CRACD: variants seen among roughly 807,000 people sequenced by gnomAD.
CRACD encodes capping protein inhibiting regulator of actin dynamics, also known as capping protein-inhibiting regulator of actin dynamics.
A neutral mutation model predicts 106.8 loss-of-function variants in CRACD; 56 were observed. The ratio of observed to expected loss-of-function variants is 0.52; its 90% CI spans 0.42 to 0.66. The LOEUF (loss-of-function observed/expected upper bound fraction) is 0.66. CRACD is among the 30% of genes least tolerant of loss of function. The pLI is 0.00. For missense variants in CRACD, 1,730 were observed against 1,623.2 expected (o/e 1.07, Z -1.13); for synonymous variants, 754 against 670.8 (o/e 1.12, Z -1.92).
At chr4:56,291,986 A>G (rs975311497) in intron 3 of CRACD, among the ~76,000 whole-genome samples, 10 of 152,204 alleles carry the variant, frequency 6.6e-5, no homozygotes, top group Non-Finnish European at 1.5e-4. Flanking sequence ...AGAAGAAAAG[A>G]TGAGGGAAAG....
intron 1 of CRACD, among the ~76,000 whole-genome samples, chr4:56,105,927 AT>A (rs11314733): frequency 0.16 from 22,784 of 143,048 alleles, 1,675 homozygotes; most frequent in East Asian, 0.26. Flanking sequence ...TGAGAAATAG[AT>A]TTTTTTTTTT....
At chr4:56,207,203 A>G (rs1248733013) in intron 2 of CRACD, among the ~76,000 whole-genome samples, 1 of 152,266 alleles carries the variant, frequency 6.6e-6, no homozygotes, top group Non-Finnish European at 1.5e-5. Flanking sequence ...AACTATAAGT[A>G]TCAGCAACTG....
intron 3 of CRACD, among the ~76,000 whole-genome samples, chr4:56,273,405 C>T (rs1254498286): frequency 6.6e-6 from 1 of 150,786 alleles, no homozygotes; most frequent in Non-Finnish European, 1.5e-5. Flanking sequence ...CTCTCTCCCC[C>T]ACTTCTCCCT....
chr4:56,310,685 C>G lies in CRACD; in HGVS notation c.305C>G (p.Ser102Cys), dbSNP rs1560531147. 1 of 1,611,342 alleles carries G rather than the reference C, an allele frequency of 6.2e-7. No homozygotes were observed. Among genetic ancestry groups the G allele is most frequent in the African/African-American group, 1.3e-5 (1 of 74,796 alleles). Reference protein sequence around the residue: ...AENKSSDTPSSLSPLNLPGAG... With the variant: ...AENKSSDTPSCLSPLNLPGAG... ...TTCCAGTCCAGTGATACGCCAAGTT[C>G]TCTAAGTCCTCTGAATCTCCCTGGA... is the stretch of plus-strand genomic sequence containing the variant. The change falls in exon 6 of 11, where the codon TCT (serine) becomes TGT (cysteine). Residue 102 changes from serine to cysteine, a missense_variant. Ser to Cys is a moderately radical substitution (Grantham distance 112, BLOSUM62 -1). Transcript: ENST00000682029.
At chr4:56,107,994 G>T (rs575241591) in intron 1 of CRACD, among the ~76,000 whole-genome samples, 96 of 152,272 alleles carry the variant, frequency 6.3e-4, no homozygotes, top group Non-Finnish European at 1.2e-3. Flanking sequence ...AGCATGTGGG[G>T]CATCCTGTTG....
Position 56,314,836 on chromosome 4 carries a change from C to T in CRACD, c.1334C>T (p.Ser445Phe), listed in dbSNP as rs1429539893. 4 of 1,611,070 alleles carry T rather than the reference C, an allele frequency of 2.5e-6. No homozygotes were observed. Among genetic ancestry groups the T allele is most frequent in the Admixed American group, 3.4e-5 (2 of 59,564 alleles). Residue 445 changes from serine to phenylalanine, a missense_variant, in exon 8 of 11, where the codon TCC becomes TTC. Around this residue, in one of 5 missense-constraint regions of CRACD, gnomAD observed 1,620 missense variants for 1,481.6 expected, o/e 1.09. Transcript: ENST00000682029. The surrounding 1 kb of genome is among the most constrained non-coding windows in gnomAD (Gnocchi z 4.4). ...AAACCCGAAGGACAAAGAGAACACT[C>T]CGAGGAGCCAGGTATTTGCGAGGAG... is the stretch of plus-strand genomic sequence containing the variant. ...RLKPEGQREH[S>F]EEPGICEEQN... is the part of the protein sequence containing the mutation.
chr4:56,273,861 A>C (rs1742515721), intron 3 of CRACD, among the ~76,000 whole-genome samples: 1 of 152,212 alleles, frequency 6.6e-6, no homozygotes, highest in Admixed American at 6.5e-5. Flanking sequence ...AGATGGTATC[A>C]TATGTGATAT....
chr4:56,246,976 T>C (rs1740718614), intron 2 of CRACD, among the ~76,000 whole-genome samples: 2 of 152,330 alleles, frequency 1.3e-5, no homozygotes, highest in East Asian at 1.9e-4. Flanking sequence ...ATTTAGATAC[T>C]GAAAAAAGTT....
chr4:56,049,566 G>A (rs1219619983), intron 1 of CRACD, among the ~76,000 whole-genome samples: 3 of 152,136 alleles, frequency 2.0e-5, no homozygotes, highest in Non-Finnish European at 4.4e-5. Context: ...GCTGCACCCC[G>A]GGAACTTGCG....
intron 3 of CRACD, among the ~76,000 whole-genome samples, chr4:56,297,096 TTTTG>T (rs1744098903): frequency 6.6e-6 from 1 of 152,028 alleles, no homozygotes; most frequent in Non-Finnish European, 1.5e-5. Flanking sequence ...ATTTTTTTGT[TTTTG>T]TTTTTGTTTT....
At chr4:56,188,900 G>A (rs953701170) in intron 2 of CRACD, among the ~76,000 whole-genome samples, 57 of 152,160 alleles carry the variant, frequency 3.7e-4, no homozygotes, top group African/African-American at 1.3e-3. Flanking sequence ...GGCTGGGTGC[G>A]GTAGCTCACG....
At chr4:56,250,108 TTC>T (rs1740961207) in intron 2 of CRACD, among the ~76,000 whole-genome samples, 1 of 152,182 alleles carries the variant, frequency 6.6e-6, no homozygotes, top group Non-Finnish European at 1.5e-5. Context: ...CTTCCTAATA[TTC>T]TTTTTCCTCT....
At position 56,224,786 on chromosome 4, in the gene CRACD, C is replaced by G. The variant is rs573592071; in HGVS notation, c.-189+45356C>G. The stretch of plus-strand genomic sequence containing the variant: ...CATGTTTTTTCTTCAGTTGCTAGTT[C>G]TAGTTTACCACATAGTGTCTTTTGG... On this transcript the variant is annotated intron_variant, in intron 2 of 10. Transcript: ENST00000682029. Among the ~76,000 whole-genome samples, 5 of 152,314 alleles carry G rather than the reference C, an allele frequency of 3.3e-5. No individual in the cohort carries two copies. In the South Asian group the frequency reaches 8.3e-4, roughly 25 times the overall value.
chr4:56,318,908 C>G (rs1463550843), intron 8 of CRACD, among the ~76,000 whole-genome samples: 1 of 152,228 alleles, frequency 6.6e-6, no homozygotes, highest in African/African-American at 2.4e-5. Context: ...GGATCTAAAT[C>G]TGCAATTGCA....
Position 56,323,440 on chromosome 4 carries a change from C to G in CRACD, c.3251C>G (p.Thr1084Ser), listed in dbSNP as rs1746231849. ...DGSKLTEKVE[T>S]AQPLWITLAL... ...TCCAAACTTACAGAGAAAGTGGAAA[C>G]TGCTCAGCCGCTGTGGATAACGTTA... Residue 1084 changes from threonine (T) to serine (S), a missense_variant, in exon 9 of 11, where the codon ACT (threonine) becomes AGT (serine). By Grantham distance (58) the Thr-to-Ser change is moderately conservative. Coordinates refer to ENST00000682029, the MANE Select transcript of CRACD (RefSeq NM_001393381.1). 6.2e-7 allele frequency: 1 copy of G among 1,611,692 alleles called. No homozygotes were observed. Among genetic ancestry groups the G allele is most frequent in the Non-Finnish European group, 8.5e-7 (1 of 1,179,380 alleles).
At position 56,315,752 on chromosome 4, in the gene CRACD, G is replaced by A. The variant is rs762630145; in HGVS notation, c.2250G>A (p.Met750Ile). The change falls in exon 8 of 11, where the codon ATG (methionine) becomes ATA (isoleucine). Residue 750 changes from methionine (M) to isoleucine (I), a missense_variant. Met to Ile is a conservative substitution (Grantham distance 10). Transcript: ENST00000682029. This position sits in a 1 kb window ranked among gnomAD's most constrained non-coding sequence, Gnocchi z 4.1. ...CTGAAAGCATACGAAAAAGACCCAT[G>A]CTGGGACCCAGCGAAGAGACAGCCC... ...TEAESIRKRP[M>I]LGPSEETAPQ... 1 of 1,614,096 alleles carries A rather than the reference G, an allele frequency of 6.2e-7. No individual in the cohort carries two copies. Among genetic ancestry groups the A allele is most frequent in the African/African-American group, 1.3e-5 (1 of 74,934 alleles).
At chr4:56,264,325 C>T (rs1368654636) in intron 2 of CRACD, among the ~76,000 whole-genome samples, 2 of 152,052 alleles carry the variant, frequency 1.3e-5, no homozygotes, top group African/African-American at 2.4e-5. Context: ...AGTAGTCCCC[C>T]TGAATAAAGT....
Position 56,214,330 on chromosome 4 carries a change from T to C in CRACD, c.-189+34900T>C, listed in dbSNP as rs149976383. ...AAAATATAGGCCGGGTGCGATGGCT[T>C]ACGCCTATAATTCCAGCACTTTGGG... is the stretch of plus-strand genomic sequence containing the variant. On this transcript the variant is annotated intron_variant, in intron 2 of 10. Coordinates refer to ENST00000682029, the MANE Select transcript of CRACD (RefSeq NM_001393381.1). 6.5e-4 allele frequency among the ~76,000 whole-genome samples: 99 copies of C among 152,232 alleles called. 1 individual carries two copies. In the East Asian group the frequency reaches 0.014, roughly 22 times the overall value.
At chr4:56,246,189 G>A (rs1276466384) in intron 2 of CRACD, among the ~76,000 whole-genome samples, 1 of 152,180 alleles carries the variant, frequency 6.6e-6, no homozygotes, top group South Asian at 2.1e-4. Context: ...ACTTCCTTGA[G>A]TTGCCATTTT....
Sources: allele counts gnomAD v4.1 joint callset (sites outside exome capture counted in the v4.1 genomes callset), GRCh38; gene constraint gnomAD v4.1.1; regional missense constraint gnomAD v4.1.1; non-coding constraint Gnocchi (gnomAD v3.1); transcripts MANE v1.5; gene names NCBI Gene and HGNC (gene_info 2026-07-23, HGNC 2026-07-21).